IQANK1: variants seen among roughly 807,000 people sequenced by gnomAD.
IQANK1 encodes the protein IQ motif and ankyrin repeat domain-containing protein 1.
IQANK1 carries 30 observed loss-of-function variants against 22.6 expected under a neutral mutation model. The observed-to-expected ratio is 1.33, with a 90% confidence interval of 0.99 to 1.80. The LOEUF (loss-of-function observed/expected upper bound fraction) is 1.80. Ranked by LOEUF, IQANK1 falls within the 40% of genes most tolerant of loss-of-function variation. IQANK1 has a pLI of 0.00. For missense variants in IQANK1, 275 were observed against 235.2 expected (o/e 1.17, Z -1.11); for synonymous variants, 122 against 99.6 (o/e 1.23, Z -1.34).
intron 3 of IQANK1, among the ~76,000 whole-genome samples, chr8:143,764,769 A>G (rs113540955): frequency 0.075 from 11,359 of 152,328 alleles, 577 homozygotes; most frequent in Non-Finnish European, 0.11. Flanking sequence ...GAGATATTTT[A>G]TACATTTCAT....
chr8:143,782,130 A>G (rs1237182307), intron 7 of IQANK1, among the ~76,000 whole-genome samples: 1 of 152,138 alleles, frequency 6.6e-6, no homozygotes, highest in Non-Finnish European at 1.5e-5. Context: ...TTGCTGGTGT[A>G]TAGGGATGCT....
At position 143,749,558 on chromosome 8, in the gene IQANK1, CAT is replaced by C. The variant is rs1356606303; in HGVS notation, c.175+9617_175+9618del. ...AATATATGATATATATGATATATAT[CAT>C]ATATATCAATCATATATATATATTT... is the stretch of plus-strand genomic sequence containing the variant. On this transcript the variant is annotated intron_variant, in intron 3 of 13. Coordinates refer to ENST00000527139, the MANE Select transcript of IQANK1 (RefSeq NM_001381874.1). Among the ~76,000 whole-genome samples, 754 of 129,248 alleles carry C rather than the reference CAT, an allele frequency of 5.8e-3. 12 individuals carry two copies. The highest frequency in any genetic ancestry group is 0.021 in the African/African-American group (706 of 34,062). 84.8% of individuals were successfully genotyped at this position (129,248 alleles called of 152,430 possible).
At chr8:143,738,511 C>T (rs1415879631) in intron 2 of IQANK1, among the ~76,000 whole-genome samples, 1 of 152,158 alleles carries the variant, frequency 6.6e-6, no homozygotes, top group Non-Finnish European at 1.5e-5. Context: ...GGCGCGGTGG[C>T]TCGCCTGGGC....
In IQANK1 at chr8:143,790,399, G is replaced by A; in HGVS notation, c.1474G>A (p.Val492Ile). ...CCTGCGAGAGGAAGACCTGTTCCCA[G>A]TCGTGCAGCGGCAGCTGGAGGCGGT... The part of the protein sequence containing the change: ...FDLREEDLFP[V>I]VQRQLEAVQE... The change falls in exon 14 of 14, where the codon GTC (valine) becomes ATC (isoleucine). Residue 492 changes from valine to isoleucine, a missense_variant. By Grantham distance (29) the Val-to-Ile change is conservative. Transcript: ENST00000527139. The A allele has an allele frequency of 1.2e-6, 1 of 850,886 alleles. No individual in the cohort carries two copies. Among genetic ancestry groups the A allele is most frequent in the Non-Finnish European group, 1.6e-6 (1 of 640,920 alleles). The allele number at this position is 850,886 out of a possible 1,614,324, so 52.7% of individuals were successfully genotyped here.
intron 2 of IQANK1, among the ~76,000 whole-genome samples, chr8:143,737,471 G>A (rs536493689): frequency 6.6e-6 from 1 of 152,324 alleles, no homozygotes; most frequent in South Asian, 2.1e-4. Context: ...CCTTGGTCTT[G>A]CAGTGCCCTG....
rs1056907923 is a variant in IQANK1 at position 143,790,633 on chromosome 8, G to A, written c.*25G>A. ...GTGCTGGCCCCAGTCCCAATAAAACGTGTGCCCCGGGGCGCGGTGCTGCAT... is the reference window on the plus strand; with the variant it reads ...GTGCTGGCCCCAGTCCCAATAAAACATGTGCCCCGGGGCGCGGTGCTGCAT... On this transcript the variant is annotated 3_prime_UTR_variant, in exon 14 of 14. Coordinates refer to ENST00000527139, the MANE Select transcript of IQANK1 (RefSeq NM_001381874.1). The A allele has an allele frequency of 2.5e-6, 1 of 398,654 alleles. No individual in the cohort carries two copies. The highest frequency in any genetic ancestry group is 4.4e-6 in the Non-Finnish European group (1 of 226,062). 24.7% of individuals were successfully genotyped at this position (398,654 alleles called of 1,614,324 possible). A position where few individuals can be genotyped will look rare whatever the true frequency, so the allele number is the denominator to read the frequency against.
At chr8:143,776,043 C>T (rs1015083112) in intron 7 of IQANK1, among the ~76,000 whole-genome samples, 6 of 146,584 alleles carry the variant, frequency 4.1e-5, no homozygotes, top group Non-Finnish European at 7.4e-5. Flanking sequence ...TCCCAGCGGC[C>T]GGGCGCGGCG....
chr8:143,772,795 C>T (rs911344939), intron 7 of IQANK1, among the ~76,000 whole-genome samples: 3 of 152,206 alleles, frequency 2.0e-5, no homozygotes, highest in African/African-American at 7.2e-5. Context: ...GGTTTTGTGT[C>T]ATTTCCTTCC....
chr8:143,772,630 G>C, intron 7 of IQANK1, 148 bp downstream of exon 7: 1 of 397,774 alleles, frequency 2.5e-6, no homozygotes, highest in East Asian at 3.6e-5. Flanking sequence ...CCGACCGGCT[G>C]TCTCTGAAAG....
chr8:143,777,182 G>A (rs559585628), intron 7 of IQANK1, among the ~76,000 whole-genome samples: 2 of 151,442 alleles, frequency 1.3e-5, no homozygotes, highest in South Asian at 4.2e-4. Context: ...ACATATATAT[G>A]CACATACATT....
intron 7 of IQANK1, among the ~76,000 whole-genome samples, chr8:143,776,192 G>A (rs1376314219): frequency 6.6e-6 from 1 of 151,678 alleles, no homozygotes; most frequent in Non-Finnish European, 1.5e-5. Flanking sequence ...GTGGTGGCGG[G>A]CGCCTGTAGT....
At chr8:143,777,223 A>G (rs972704940) in intron 7 of IQANK1, among the ~76,000 whole-genome samples, 2 of 152,102 alleles carry the variant, frequency 1.3e-5, no homozygotes, top group African/African-American at 2.4e-5. Flanking sequence ...CATATATATG[A>G]GATAATAATT....
intron 3 of IQANK1, among the ~76,000 whole-genome samples, chr8:143,751,662 G>GTATATATATA (rs1187068578): frequency 7.6e-4 from 41 of 54,304 alleles, no homozygotes; most frequent in Non-Finnish European, 1.3e-3. Context: ...GTGTGTGTGT[G>GTATATATATA]TGTATATATA....
At chr8:143,768,534 T>C (rs1207942590) in intron 3 of IQANK1, among the ~76,000 whole-genome samples, 1 of 152,180 alleles carries the variant, frequency 6.6e-6, no homozygotes, top group African/African-American at 2.4e-5. Flanking sequence ...GGCTGTCAGC[T>C]GCAGCCGCTG....
Position 143,739,896 on chromosome 8 carries a change from G to A in IQANK1, c.123G>A (p.Ala41=), listed in dbSNP as rs1462448422. Reference sequence around the variant, plus strand: ...AGAACCGCCCGCCGCAGAGGAAAGCGGGCTGGCAGGCGAGGGAGCCCGCGT... The same window carrying A: ...AGAACCGCCCGCCGCAGAGGAAAGCAGGCTGGCAGGCGAGGGAGCCCGCGT... ...PGENRPPQRK[A]GWQAREPASA... The change falls in exon 3 of 14, where the codon GCG becomes GCA. Residue 41 remains alanine, a synonymous_variant. Coordinates refer to ENST00000527139, the MANE Select transcript of IQANK1 (RefSeq NM_001381874.1). The A allele has an allele frequency of 1.6e-5, 11 of 698,286 alleles. No homozygotes were observed. Among genetic ancestry groups the A allele is most frequent in the South Asian group, 1.5e-4 (10 of 66,736 alleles). The allele number at this position is 698,286 out of a possible 1,614,324, so 43.3% of individuals were successfully genotyped here.
At chr8:143,740,632 C>G (rs1025875312) in intron 3 of IQANK1, among the ~76,000 whole-genome samples, 1 of 152,254 alleles carries the variant, frequency 6.6e-6, no homozygotes, top group Non-Finnish European at 1.5e-5. Flanking sequence ...GACGGGGCCT[C>G]GCGGCCACAT....
At chr8:143,776,840 G>A (rs538126631) in intron 7 of IQANK1, among the ~76,000 whole-genome samples, 12 of 152,280 alleles carry the variant, frequency 7.9e-5, no homozygotes, top group Admixed American at 2.0e-4. Flanking sequence ...TCTGAGAAGC[G>A]TGAAGGAAGC....
At chr8:143,744,045 G>A in intron 3 of IQANK1, 1 of 289,432 alleles carries the variant, frequency 3.5e-6, no homozygotes, top group South Asian at 2.8e-5. Flanking sequence ...TGTTGGCCAG[G>A]ATGGTCTCGA....
At chr8:143,780,614 T>C (rs2129936415) in intron 7 of IQANK1, among the ~76,000 whole-genome samples, 1 of 152,382 alleles carries the variant, frequency 6.6e-6, no homozygotes, top group South Asian at 2.1e-4. Context: ...CTGAGGATAA[T>C]GGCCTCCAGC....
Sources: allele counts gnomAD v4.1 joint callset (sites outside exome capture counted in the v4.1 genomes callset), GRCh38; gene constraint gnomAD v4.1.1; transcripts MANE v1.5; gene names NCBI Gene and HGNC (gene_info 2026-07-23, HGNC 2026-07-21).